Variants in FAM53B observed in about 807,000 individuals in gnomAD.
The protein encoded by FAM53B is family with sequence similarity 53 member B.
A neutral mutation model predicts 32.7 loss-of-function variants in FAM53B; 12 were observed. The ratio of observed to expected loss-of-function variants is 0.37; its 90% CI spans 0.24 to 0.59. The LOEUF (loss-of-function observed/expected upper bound fraction) is 0.59. Ranked by LOEUF, FAM53B falls within the 20% of genes least tolerant of loss-of-function variation. FAM53B has a pLI of 0.72. For missense variants in FAM53B, 477 were observed against 577.7 expected (o/e 0.83, Z 1.79); for synonymous variants, 234 against 228.7 (o/e 1.02, Z -0.21).
intron 4 of FAM53B, among the ~76,000 whole-genome samples, chr10:124,671,797 C>G (rs1319268152): frequency 6.6e-6 from 1 of 152,066 alleles, no homozygotes; most frequent in Non-Finnish European, 1.5e-5. Context: ...CCACTCCTCC[C>G]CCTCCCAAAA....
At chr10:124,694,344 C>T (rs948033506) in intron 3 of FAM53B, among the ~76,000 whole-genome samples, 7 of 152,262 alleles carry the variant, frequency 4.6e-5, no homozygotes, top group Non-Finnish European at 4.4e-5. Context: ...TCTGCAGCCT[C>T]CGATAGACTC....
chr10:124,627,617 G>A (rs1949363706), intron 4 of FAM53B, among the ~76,000 whole-genome samples: 1 of 152,162 alleles, frequency 6.6e-6, no homozygotes, highest in Non-Finnish European at 1.5e-5. Flanking sequence ...TCAGGCTAGT[G>A]GCCAGGGACA....
intron 1 of FAM53B, among the ~76,000 whole-genome samples, chr10:124,718,721 G>A (rs1214545560): frequency 6.6e-6 from 1 of 152,234 alleles, no homozygotes; most frequent in African/African-American, 2.4e-5. Flanking sequence ...CCAGATTCTT[G>A]CCTCTTAAGG....
chr10:124,688,824 G>C (rs576409151), intron 3 of FAM53B, among the ~76,000 whole-genome samples: 1 of 152,222 alleles, frequency 6.6e-6, no homozygotes, highest in East Asian at 1.9e-4. Context: ...CCTTAAATTT[G>C]AAGGAAAATT....
At chr10:124,691,965 C>T (rs921373494) in intron 3 of FAM53B, among the ~76,000 whole-genome samples, 3 of 152,202 alleles carry the variant, frequency 2.0e-5, no homozygotes, top group Admixed American at 6.5e-5. Flanking sequence ...GGGGGTGGGC[C>T]GCACCACGGA....
At chr10:124,685,148 A>G (rs897633172) in intron 3 of FAM53B, among the ~76,000 whole-genome samples, 1 of 152,244 alleles carries the variant, frequency 6.6e-6, no homozygotes, top group African/African-American at 2.4e-5. Flanking sequence ...TGTGATTCCT[A>G]TTTAGCAAAA....
intron 1 of FAM53B, among the ~76,000 whole-genome samples, chr10:124,723,451 G>C (rs766820963): frequency 1.3e-5 from 2 of 152,188 alleles, no homozygotes; most frequent in Non-Finnish European, 2.9e-5. Context: ...CAGTAGCAGA[G>C]CATAACAGAA....
At chr10:124,683,914 C>G (rs1949787734) in intron 3 of FAM53B, among the ~76,000 whole-genome samples, 1 of 152,242 alleles carries the variant, frequency 6.6e-6, no homozygotes, top group Admixed American at 6.5e-5. Flanking sequence ...GCGTCACAAG[C>G]AGCAGCTACT....
rs1004750499 is a variant in FAM53B, at chr10:124,702,522, C to T, written c.78+4114G>A. 5.3e-5 allele frequency among the ~76,000 whole-genome samples: 8 copies of T among 152,276 alleles called. No individual in the cohort carries two copies. The South Asian group carries it at 6.2e-4, about 12-fold the overall frequency. ...CCCAAGGCCTGGAGGGGCTCCAAGG[C>T]GATCACAGCCTCTGGAACAGGGCCC... On this transcript the variant is annotated intron_variant, in intron 2 of 4. Coordinates refer to ENST00000337318, the MANE Select transcript of FAM53B (RefSeq NM_014661.4).
intron 4 of FAM53B, among the ~76,000 whole-genome samples, chr10:124,655,781 G>A (rs928366549): frequency 3.3e-5 from 5 of 152,174 alleles, no homozygotes; most frequent in Admixed American, 6.5e-5. Context: ...TCTGCTCGTC[G>A]CCTCTGTCCC....
chr10:124,648,645 G>A (rs1268021653), intron 4 of FAM53B, among the ~76,000 whole-genome samples: 1 of 152,274 alleles, frequency 6.6e-6, no homozygotes, highest in African/African-American at 2.4e-5. Flanking sequence ...CAGGCATGGT[G>A]CGTGCACCAA....
chr10:124,677,882 C>T (rs927251287), intron 4 of FAM53B, among the ~76,000 whole-genome samples: 2 of 152,210 alleles, frequency 1.3e-5, no homozygotes, highest in Non-Finnish European at 2.9e-5. Flanking sequence ...GGAGAATGCT[C>T]ACACACGGCG....
Position 124,658,584 on chromosome 10 carries a change from A to C in FAM53B, c.906+23023T>G, listed in dbSNP as rs771749412. On this transcript the variant is annotated intron_variant, in intron 4 of 4. Transcript: ENST00000337318. ...ATTTAATGGTGCTGGACCTTTGAGA[A>C]CCATCCATACAAGTCCTGGAGAACA... is the stretch of plus-strand genomic sequence containing the variant. 4.6e-5 allele frequency among the ~76,000 whole-genome samples: 7 copies of C among 152,210 alleles called. No individual in the cohort carries two copies. In the South Asian group the frequency reaches 8.3e-4, roughly 18 times the overall value.
chr10:124,742,803 T>A (rs1297334253), intron 1 of FAM53B: 1 of 152,208 alleles, frequency 6.6e-6, no homozygotes, highest in Non-Finnish European at 1.5e-5. Context: ...CACCCCAGGA[T>A]CCCAGACCCG....
At chr10:124,667,497 C>A in intron 4 of FAM53B, 3 of 723,754 alleles carry the variant, frequency 4.1e-6, no homozygotes, top group Non-Finnish European at 7.7e-6. Context: ...CAGCAGCCCA[C>A]AGCTGTGGCC....
chr10:124,653,150 G>A (rs2134051804), intron 4 of FAM53B, among the ~76,000 whole-genome samples: 1 of 152,338 alleles, frequency 6.6e-6, no homozygotes. Flanking sequence ...CAATGACACT[G>A]GTAGGGCCTT....
At chr10:124,654,449 G>T (rs1375688842) in intron 4 of FAM53B, among the ~76,000 whole-genome samples, 1 of 152,140 alleles carries the variant, frequency 6.6e-6, no homozygotes, top group African/African-American at 2.4e-5. Flanking sequence ...CTCCCAGGGA[G>T]GTGGTGTTTG....
At chr10:124,688,260 C>A (rs1209023289) in intron 3 of FAM53B, among the ~76,000 whole-genome samples, 1 of 152,214 alleles carries the variant, frequency 6.6e-6, no homozygotes, top group Non-Finnish European at 1.5e-5. Context: ...TGACACCAAG[C>A]CCCTGGCAGA....
chr10:124,663,119 A>G lies in FAM53B; in HGVS notation c.906+18488T>C, dbSNP rs1264291344. 3.3e-5 allele frequency among the ~76,000 whole-genome samples: 5 copies of G among 152,206 alleles called. No homozygotes were observed. In the South Asian group the frequency reaches 6.2e-4, roughly 19 times the overall value. On this transcript the variant is annotated intron_variant, in intron 4 of 4. Coordinates refer to ENST00000337318, the MANE Select transcript of FAM53B (RefSeq NM_014661.4). ...AATGTCATGTGAGTGTGGACCCCAG[A>G]AGACCACAAGGCAGGCTGCTTCTCC...
Sources: allele counts gnomAD v4.1 joint callset (sites outside exome capture counted in the v4.1 genomes callset), GRCh38; gene constraint gnomAD v4.1.1; transcripts MANE v1.5; gene names NCBI Gene and HGNC (gene_info 2026-07-23, HGNC 2026-07-21).